The following CTNNA3 variants were observed in gnomAD, a reference collection of about 807,000 sequenced individuals.
CTNNA3 encodes the protein catenin alpha 3, also known as catenin alpha-3.
CTNNA3 carries 76 observed loss-of-function variants against 95.7 expected under a neutral mutation model. The observed-to-expected ratio is 0.79, with a 90% CI of 0.66 to 0.96. The LOEUF (loss-of-function observed/expected upper bound fraction) is 0.96. Ranked by LOEUF, CTNNA3 falls within the 40% of genes least tolerant of loss-of-function variation. The probability of loss-of-function intolerance (pLI) is 0.00; values close to 1 mark genes in which losing one functional copy is unlikely to be tolerated. For synonymous variants in CTNNA3, 431 were observed against 374.4 expected (o/e 1.15, Z -1.74); for missense variants, 1,191 against 1,089.8 (o/e 1.09, Z -1.31).
intron 12 of CTNNA3, among the ~76,000 whole-genome samples, chr10:66,315,372 C>T (rs906158367): frequency 6.6e-6 from 1 of 151,904 alleles, no homozygotes; most frequent in African/African-American, 2.4e-5. Flanking sequence ...CTAGTATCTA[C>T]AACAACCATG....
chr10:67,174,772 T>C (rs997473426), intron 7 of CTNNA3, among the ~76,000 whole-genome samples: 4 of 152,130 alleles, frequency 2.6e-5, no homozygotes, highest in Non-Finnish European at 4.4e-5. Flanking sequence ...GCCTCTTTCA[T>C]TGGGATGATT....
chr10:66,651,657 G>T (rs111767256), intron 9 of CTNNA3, among the ~76,000 whole-genome samples: 3 of 105,436 alleles, frequency 2.8e-5, no homozygotes, highest in Non-Finnish European at 5.4e-5. Context: ...AGTGCCCGCC[G>T]GCCGGCACTG....
chr10:66,507,794 T>C (rs957051042), intron 11 of CTNNA3, among the ~76,000 whole-genome samples: 4 of 152,178 alleles, frequency 2.6e-5, no homozygotes, highest in Non-Finnish European at 5.9e-5. Flanking sequence ...CTATTGAGAA[T>C]AGTGCTGTAA....
intron 1 of CTNNA3, among the ~76,000 whole-genome samples, chr10:67,749,230 A>G (rs1258752575): frequency 6.6e-6 from 1 of 152,178 alleles, no homozygotes; most frequent in African/African-American, 2.4e-5. Context: ...TTAACACCCC[A>G]CCGTCAATAT....
At chr10:65,968,705 C>T (rs1198739574) in intron 16 of CTNNA3, among the ~76,000 whole-genome samples, 1 of 152,246 alleles carries the variant, frequency 6.6e-6, no homozygotes, top group Non-Finnish European at 1.5e-5. Context: ...AGAGGAGCCT[C>T]TCTGCTTCAT....
At chr10:67,668,980 A>G (rs1300012701) in intron 1 of CTNNA3, among the ~76,000 whole-genome samples, 1 of 151,704 alleles carries the variant, frequency 6.6e-6, no homozygotes, top group Non-Finnish European at 1.5e-5. Flanking sequence ...CTGGGATTAC[A>G]GGCACTCGCC....
At chr10:67,251,817 G>A (rs762337337) in intron 5 of CTNNA3, among the ~76,000 whole-genome samples, 7 of 152,050 alleles carry the variant, frequency 4.6e-5, no homozygotes, top group Non-Finnish European at 1.0e-4. Flanking sequence ...AGGAAGAGAG[G>A]GAGGGGCAGT....
At chr10:66,647,222 C>CA (rs776585679) in intron 9 of CTNNA3, among the ~76,000 whole-genome samples, 10 of 152,196 alleles carry the variant, frequency 6.6e-5, no homozygotes, top group Non-Finnish European at 1.2e-4. Flanking sequence ...CCAGGAGAGT[C>CA]AAAGTATATA....
chr10:67,282,833 TCTC>T (rs1839451665), intron 5 of CTNNA3, among the ~76,000 whole-genome samples: 3 of 152,060 alleles, frequency 2.0e-5, no homozygotes, highest in African/African-American at 7.2e-5. Flanking sequence ...TATTTGACCT[TCTC>T]CTGCATGCCT....
intron 12 of CTNNA3, among the ~76,000 whole-genome samples, chr10:66,296,274 G>A (rs1377611086): frequency 6.6e-6 from 1 of 152,008 alleles, no homozygotes; most frequent in Non-Finnish European, 1.5e-5. Context: ...ACTTTGATGG[G>A]ATAAAAGTAA....
intron 15 of CTNNA3, among the ~76,000 whole-genome samples, chr10:65,989,445 AGGT>A (rs2078494519): frequency 6.6e-6 from 1 of 152,182 alleles, no homozygotes; most frequent in African/African-American, 2.4e-5. Context: ...CTCAAGGCAA[AGGT>A]ATTTTCCTGA....
intron 5 of CTNNA3, among the ~76,000 whole-genome samples, chr10:67,264,325 T>A (rs1417076865): frequency 6.6e-6 from 1 of 152,148 alleles, no homozygotes; most frequent in East Asian, 1.9e-4. Flanking sequence ...AGATTCCCTT[T>A]GCAAAATTCA....
intron 5 of CTNNA3, among the ~76,000 whole-genome samples, chr10:67,406,020 G>C (rs1283908795): frequency 6.6e-6 from 1 of 152,132 alleles, no homozygotes. Flanking sequence ...AGAACATGGG[G>C]GCAGTTTCCT....
chr10:67,168,475 C>G (rs1861876989), intron 7 of CTNNA3, among the ~76,000 whole-genome samples: 1 of 152,138 alleles, frequency 6.6e-6, no homozygotes, highest in Non-Finnish European at 1.5e-5. Flanking sequence ...AAGGTTGGTT[C>G]AACATACACA....
At chr10:66,682,528 C>T (rs895962694) in intron 9 of CTNNA3, among the ~76,000 whole-genome samples, 2 of 151,682 alleles carry the variant, frequency 1.3e-5, no homozygotes, top group Non-Finnish European at 2.9e-5. Context: ...GTTTGGTACA[C>T]AAACAACAAA....
At chr10:66,365,757 GCTCTCT>G (rs71035132) in intron 12 of CTNNA3, among the ~76,000 whole-genome samples, 4 of 113,068 alleles carry the variant, frequency 3.5e-5, no homozygotes, top group Non-Finnish European at 6.5e-5. Flanking sequence ...TGCATCTTAG[GCTCTCT>G]CTCTCTCTCT....
intron 12 of CTNNA3, among the ~76,000 whole-genome samples, chr10:66,370,317 T>C (rs976491540): frequency 6.6e-6 from 1 of 152,164 alleles, no homozygotes; most frequent in African/African-American, 2.4e-5. Context: ...ATACATGAAA[T>C]AGATACTTGC....
intron 9 of CTNNA3, among the ~76,000 whole-genome samples, chr10:66,708,737 AT>A (rs1259405464): frequency 6.6e-6 from 1 of 152,094 alleles, no homozygotes; most frequent in Non-Finnish European, 1.5e-5. Flanking sequence ...CTCAAAGTTG[AT>A]CATGTCTCAC....
chr10:67,038,063 A>G (rs78033666), intron 7 of CTNNA3, among the ~76,000 whole-genome samples: 1,843 of 152,262 alleles, frequency 0.012, 48 homozygotes, highest in African/African-American at 0.042. Context: ...GTCCACCTGT[A>G]GTGGCAAACT....
Sources: allele counts gnomAD v4.1 joint callset (sites outside exome capture counted in the v4.1 genomes callset), GRCh38; gene constraint gnomAD v4.1.1; transcripts MANE v1.5; gene names NCBI Gene and HGNC (gene_info 2026-07-23, HGNC 2026-07-21).